Variants in SLC16A2 observed in about 807,000 individuals in gnomAD.
SLC16A2 encodes the protein solute carrier family 16 member 2, also known as monocarboxylate transporter 8.
In SLC16A2, 3 loss-of-function variants were observed where a neutral mutation model predicts 27.2. That is an observed-to-expected ratio of 0.11 (90% CI 0.05 to 0.28). The LOEUF is 0.28. Among genes scored for constraint, SLC16A2 ranks in the 10% least tolerant of loss-of-function variants. The pLI is 1.00. For missense variants in SLC16A2, 295 were observed against 458.5 expected (o/e 0.64, Z 3.26); for synonymous variants, 202 against 187.8 (o/e 1.08, Z -0.62).
intron 1 of SLC16A2, among the ~76,000 whole-genome samples, chrX:74,479,108 C>G (rs1929556784): frequency 8.9e-6 from 1 of 112,200 alleles, no homozygotes. Flanking sequence ...CTCCCCGTCA[C>G]TTTCAGGTAC....
intron 1 of SLC16A2, among the ~76,000 whole-genome samples, chrX:74,462,884 C>T (rs1319538150): frequency 2.7e-5 from 3 of 112,080 alleles, no homozygotes; most frequent in Non-Finnish European, 5.6e-5. Flanking sequence ...TGCCCACAGA[C>T]TCAACAAAGG....
intron 1 of SLC16A2, among the ~76,000 whole-genome samples, chrX:74,453,052 C>CT (rs5902727): frequency 0.43 from 41,131 of 96,032 alleles, 8,049 homozygotes; most frequent in East Asian, 0.96. Flanking sequence ...GTGCAGGTTG[C>CT]TTTTTTTTTT....
Position 74,421,761 on chromosome X carries a change from G to A in SLC16A2, c.124G>A (p.Glu42Lys), listed in dbSNP as rs757067908. ...ESEPEPEPEP[E>K]PVPVPPPEPQ... Reference sequence around the variant, plus strand: ...TGAGCCGGAGCCTGAGCCCGAGCCCGAGCCCGTGCCAGTGCCCCCGCCCGA... The same window carrying A: ...TGAGCCGGAGCCTGAGCCCGAGCCCAAGCCCGTGCCAGTGCCCCCGCCCGA... The change falls in exon 1 of 6, where the codon GAG becomes AAG. Residue 42 changes from glutamate (E) to lysine (K), a missense_variant. Glu to Lys is a moderately conservative substitution (Grantham distance 56). Transcript: ENST00000587091. 1.1e-5 allele frequency: 13 copies of A among 1,148,387 alleles called. No individual in the cohort carries two copies. The highest frequency in any genetic ancestry group is 3.2e-5 in the East Asian group (1 of 31,044). 94.6% of individuals were successfully genotyped at this position (1,148,387 alleles called of 1,213,427 possible).
At chrX:74,529,462 A>G in intron 5 of SLC16A2, 21 bp downstream of exon 5, 1 of 1,115,831 alleles carries the variant, frequency 9.0e-7, no homozygotes, top group Non-Finnish European at 1.2e-6. Context: ...TATTCCAGGG[A>G]GGGCATGAAT....
intron 1 of SLC16A2, among the ~76,000 whole-genome samples, chrX:74,437,083 A>C (rs1319531784): frequency 8.9e-6 from 1 of 111,908 alleles, no homozygotes; most frequent in East Asian, 2.8e-4. Flanking sequence ...TTTTGAACCC[A>C]AGCTGCTCCA....
intron 5 of SLC16A2, among the ~76,000 whole-genome samples, chrX:74,529,868 C>G (rs1452785922): frequency 9.3e-6 from 1 of 107,648 alleles, no homozygotes; most frequent in Non-Finnish European, 1.9e-5. Flanking sequence ...TCCTCCTCCT[C>G]CTCTGCTGGC....
chrX:74,493,733 C>G (rs1003159642), intron 1 of SLC16A2, among the ~76,000 whole-genome samples: 2 of 112,049 alleles, frequency 1.8e-5, no homozygotes, highest in Non-Finnish European at 3.8e-5. Context: ...TAATTGGCAT[C>G]TTCCTTAGTC....
At chrX:74,495,181 AGGG>A (rs1330941252) in intron 1 of SLC16A2, among the ~76,000 whole-genome samples, 2 of 111,471 alleles carry the variant, frequency 1.8e-5, no homozygotes, top group Non-Finnish European at 3.8e-5. Flanking sequence ...TGCCCGAGTG[AGGG>A]GCTTTCTGTG....
At chrX:74,485,855 G>T (rs1474164028) in intron 1 of SLC16A2, among the ~76,000 whole-genome samples, 2 of 110,200 alleles carry the variant, frequency 1.8e-5, no homozygotes, top group Non-Finnish European at 1.9e-5. Context: ...CGGATCCGGA[G>T]GGGTGGAAGT....
rs1930590472 is a variant in SLC16A2, at chrX:74,532,742, T to C, written c.*1189T>C. On this transcript the variant is annotated 3_prime_UTR_variant, in exon 6 of 6. Coordinates refer to ENST00000587091, the MANE Select transcript of SLC16A2 (RefSeq NM_006517.5). The stretch of plus-strand genomic sequence containing the variant: ...TGCACATAGGGTTGGAAAATTTCTT[T>C]TGGGAAGGGGAAGCCATCCCAGCCT... 8.9e-6 allele frequency: 1 copy of C among 112,272 alleles called. No individual in the cohort carries two copies. The highest frequency in any genetic ancestry group is 9.4e-5 in the Admixed American group (1 of 10,685). 9.3% of individuals were successfully genotyped at this position (112,272 alleles called of 1,213,427 possible).
chrX:74,494,695 C>T (rs774824959), intron 1 of SLC16A2, among the ~76,000 whole-genome samples: 2 of 110,943 alleles, frequency 1.8e-5, no homozygotes, highest in African/African-American at 3.3e-5. Context: ...TTCCTGAGAC[C>T]CCTGTGAGCT....
intron 1 of SLC16A2, among the ~76,000 whole-genome samples, chrX:74,442,774 G>A (rs763173752): frequency 1.1e-3 from 119 of 111,536 alleles, no homozygotes; most frequent in Non-Finnish European, 8.3e-4. Context: ...GGCCAATATG[G>A]TGAAAGCCCA....
chrX:74,509,725 G>A (rs776439007), intron 1 of SLC16A2, among the ~76,000 whole-genome samples: 58 of 110,980 alleles, frequency 5.2e-4, no homozygotes, highest in Middle Eastern at 9.3e-3. Context: ...CACCACGCCC[G>A]GCTAATTTTT....
At chrX:74,485,827 G>C (rs963587984) in intron 1 of SLC16A2, among the ~76,000 whole-genome samples, 10 of 111,451 alleles carry the variant, frequency 9.0e-5, no homozygotes, top group Non-Finnish European at 1.7e-4. Context: ...TGGATCAGGA[G>C]CACAGTGGAC....
At chrX:74,484,746 A>G (rs1441381682) in intron 1 of SLC16A2, among the ~76,000 whole-genome samples, 1 of 111,692 alleles carries the variant, frequency 9.0e-6, no homozygotes, top group Non-Finnish European at 1.9e-5. Context: ...AAGCCAGCAA[A>G]TCTTTATTTT....
At chrX:74,424,055 T>C (rs1569281550) in intron 1 of SLC16A2, among the ~76,000 whole-genome samples, 1 of 80,679 alleles carries the variant, frequency 1.2e-5, no homozygotes, top group Non-Finnish European at 2.3e-5. Flanking sequence ...GAGGGCTGGC[T>C]GGGACTTTCC....
chrX:74,422,127 A>G, intron 1 of SLC16A2, 60 bp downstream of exon 1: 1 of 1,105,052 alleles, frequency 9.0e-7, no homozygotes, highest in South Asian at 1.9e-5. Context: ...TCCCGCTGCC[A>G]CCGACCCCAT....
chrX:74,504,179 T>A (rs1226113320), intron 1 of SLC16A2, among the ~76,000 whole-genome samples: 1 of 111,920 alleles, frequency 8.9e-6, no homozygotes, highest in East Asian at 2.8e-4. Flanking sequence ...AAAAGAACTC[T>A]ACAGAGGTGA....
At chrX:74,478,104 G>A (rs909548642) in intron 1 of SLC16A2, among the ~76,000 whole-genome samples, 1 of 111,473 alleles carries the variant, frequency 9.0e-6, no homozygotes, top group Non-Finnish European at 1.9e-5. Context: ...GTCTCCCCTT[G>A]TTATTGTGTG....
Sources: gnomAD v4.1 joint callset for allele counts (sites outside exome capture counted in the v4.1 genomes callset) on GRCh38, gnomAD v4.1.1 for gene constraint, MANE v1.5 for transcripts, NCBI Gene and HGNC (gene_info 2026-07-23, HGNC 2026-07-21) for gene names.